APBB2: variants seen among roughly 807,000 people sequenced by gnomAD.
APBB2 encodes the protein amyloid beta precursor protein binding family B member 2.
Under a neutral mutation model 82.5 loss-of-function variants are expected in APBB2, and 38 were observed. The observed-to-expected ratio is 0.46, with a 90% CI of 0.36 to 0.60. The LOEUF is 0.60. Among genes scored for constraint, APBB2 ranks in the 20% least tolerant of loss-of-function variants. The probability of loss-of-function intolerance (pLI) is 0.00; values close to 1 mark genes in which losing one functional copy is unlikely to be tolerated. For missense variants in APBB2, 772 were observed against 972.3 expected (o/e 0.79, Z 2.74); for synonymous variants, 341 against 368.2 (o/e 0.93, Z 0.85).
At chr4:40,824,147 C>G (rs1749033193) in intron 15 of APBB2, among the ~76,000 whole-genome samples, 1 of 151,254 alleles carries the variant, frequency 6.6e-6, no homozygotes, top group South Asian at 2.1e-4. Flanking sequence ...CAGTGAGACT[C>G]TGTCTCAAAA....
Position 40,827,159 on chromosome 4 carries a change from T to C in APBB2, c.1705A>G (p.Asn569Asp). ...TGCAAAGGGACATCGAGGTTCACAT[T>C]GGCCCTTTCCTGTAAGGAGCTGCAG... ...LACSSLQERA[N>D]VNLDVPLQVD... The change falls in exon 14 of 18, where the codon AAT becomes GAT. Residue 569 changes from asparagine to aspartate, a missense_variant. By Grantham distance (23) the Asn-to-Asp change is conservative. Transcript: ENST00000508593. 3 of 1,614,202 alleles carry C rather than the reference T, an allele frequency of 1.9e-6. No individual in the cohort carries two copies. The highest frequency in any genetic ancestry group is 2.5e-6 in the Non-Finnish European group (3 of 1,180,042).
chr4:40,834,605 C>T (rs1257897847), intron 12 of APBB2, among the ~76,000 whole-genome samples: 3 of 152,112 alleles, frequency 2.0e-5, no homozygotes, highest in South Asian at 2.1e-4. Context: ...AGGGGCTTGG[C>T]GGATGTGATC....
chr4:40,869,327 A>G (rs1013851453), intron 12 of APBB2, among the ~76,000 whole-genome samples: 2 of 152,240 alleles, frequency 1.3e-5, no homozygotes, highest in Non-Finnish European at 2.9e-5. Flanking sequence ...CACAACTGTA[A>G]TCCCAGCACT....
At chr4:41,008,954 G>C (rs1022018) in intron 6 of APBB2, among the ~76,000 whole-genome samples, 40,369 of 152,156 alleles carry the variant, frequency 0.27, 6,565 homozygotes, top group East Asian at 0.54. Flanking sequence ...CAATGAATCT[G>C]ATTTTGAAAC....
At chr4:41,086,006 T>C (rs1739519549) in intron 3 of APBB2, among the ~76,000 whole-genome samples, 1 of 152,094 alleles carries the variant, frequency 6.6e-6, no homozygotes, top group African/African-American at 2.4e-5. Context: ...AAAGGGGACA[T>C]TACCACTGTT....
Position 40,810,062 on chromosome 4 carries a change from AGTT to A in APBB2, c.*6027_*6029del, listed in dbSNP as rs1242201458. On this transcript the variant is annotated 3_prime_UTR_variant, in exon 18 of 18. Coordinates refer to ENST00000508593, the MANE Select transcript of APBB2 (RefSeq NM_004307.2). ...ATTTAAAGTTTTATTTTTGCAATTC[AGTT>A]GTATAGAAATGTTACATAAATTCCT... The A allele has an allele frequency of 6.6e-6, 1 of 152,226 alleles. No individual in the cohort carries two copies. Among genetic ancestry groups the A allele is most frequent in the African/African-American group, 2.4e-5 (1 of 41,464 alleles). 9.4% of individuals were successfully genotyped at this position (152,226 alleles called of 1,614,324 possible).
At chr4:41,176,520 C>T (rs1443363668) in intron 1 of APBB2, among the ~76,000 whole-genome samples, 2 of 151,784 alleles carry the variant, frequency 1.3e-5, no homozygotes, top group African/African-American at 2.4e-5. Flanking sequence ...AAAACAAAAG[C>T]AGAATCAAAA....
At chr4:40,900,923 A>C (rs981319094) in intron 10 of APBB2, among the ~76,000 whole-genome samples, 1 of 152,206 alleles carries the variant, frequency 6.6e-6, no homozygotes, top group African/African-American at 2.4e-5. Flanking sequence ...CAAACAGACC[A>C]AACACTCTGC....
At chr4:41,057,816 G>A (rs532375205) in intron 4 of APBB2, among the ~76,000 whole-genome samples, 3 of 152,254 alleles carry the variant, frequency 2.0e-5, no homozygotes, top group African/African-American at 7.2e-5. Context: ...GAGGCTGCTC[G>A]CAGAAGATAG....
At chr4:40,892,852 G>A (rs1000137387) in intron 11 of APBB2, 4 of 157,896 alleles carry the variant, frequency 2.5e-5, no homozygotes, top group African/African-American at 9.6e-5. Context: ...AGAATAATTT[G>A]TCAACTTTTA....
intron 2 of APBB2, among the ~76,000 whole-genome samples, chr4:41,132,065 T>TAAAA (rs1198316815): frequency 6.6e-6 from 1 of 151,318 alleles, no homozygotes; most frequent in Admixed American, 6.6e-5. Flanking sequence ...AATAAATAAA[T>TAAAA]AAAAAGTAAA....
intron 6 of APBB2, among the ~76,000 whole-genome samples, chr4:40,970,024 C>G (rs1289437489): frequency 6.6e-6 from 1 of 152,174 alleles, no homozygotes; most frequent in Admixed American, 6.5e-5. Context: ...TGATATTACC[C>G]TAAACCTGCC....
chr4:40,938,233 G>A (rs1397000791), intron 7 of APBB2, among the ~76,000 whole-genome samples: 1 of 152,172 alleles, frequency 6.6e-6, no homozygotes, highest in East Asian at 1.9e-4. Flanking sequence ...TGCTTGTCCT[G>A]ACCTTGTCCA....
intron 6 of APBB2, among the ~76,000 whole-genome samples, chr4:40,980,308 G>A (rs1020035601): frequency 1.3e-5 from 2 of 152,222 alleles, no homozygotes; most frequent in Non-Finnish European, 2.9e-5. Flanking sequence ...ACAGTCATGA[G>A]CCACTGCGCC....
At chr4:40,838,642 T>C (rs1467293293) in intron 12 of APBB2, among the ~76,000 whole-genome samples, 2 of 151,912 alleles carry the variant, frequency 1.3e-5, no homozygotes, top group Admixed American at 6.6e-5. Flanking sequence ...CCAATTTTTG[T>C]ATTTTTAGTG....
chr4:40,838,615 G>T (rs1046984209), intron 12 of APBB2, among the ~76,000 whole-genome samples: 2 of 152,150 alleles, frequency 1.3e-5, no homozygotes, highest in Admixed American at 6.5e-5. Flanking sequence ...GATTACAGGC[G>T]TGAGCCACGC....
chr4:40,959,273 G>A (rs990648076), intron 6 of APBB2, among the ~76,000 whole-genome samples: 1 of 152,110 alleles, frequency 6.6e-6, no homozygotes, highest in Admixed American at 6.6e-5. Flanking sequence ...ATACAACCAG[G>A]GGCATGAATC....
rs1423932346 is a variant in APBB2, at chr4:41,022,746, G to A, written c.20-8348C>T. 4.6e-5 allele frequency among the ~76,000 whole-genome samples: 7 copies of A among 152,248 alleles called. No homozygotes were observed. The East Asian group carries it at 1.2e-3, about 25-fold the overall frequency. ...TGGAGAATAAATCCTCAAGTAAAAC[G>A]GGAAAGGCAAGTGTTTCAATTAACA... On this transcript the variant is annotated intron_variant, in intron 5 of 17. Coordinates refer to ENST00000508593, the MANE Select transcript of APBB2 (RefSeq NM_004307.2).
At chr4:40,931,933 A>T (rs1784314559) in intron 10 of APBB2, among the ~76,000 whole-genome samples, 1 of 152,206 alleles carries the variant, frequency 6.6e-6, no homozygotes, top group South Asian at 2.1e-4. Flanking sequence ...TTAGGAACGT[A>T]AGACAAAGCT....
Sources: allele counts gnomAD v4.1 joint callset (sites outside exome capture counted in the v4.1 genomes callset), GRCh38; gene constraint gnomAD v4.1.1; transcripts MANE v1.5; gene names NCBI Gene and HGNC (gene_info 2026-07-23, HGNC 2026-07-21).